The following WNT3A variants were observed in gnomAD, a reference collection of about 807,000 sequenced individuals.
WNT3A encodes the protein protein Wnt-3a.
WNT3A carries 17 observed loss-of-function variants against 37.0 expected under a neutral mutation model. The ratio of observed to expected loss-of-function variants is 0.46; its 90% CI spans 0.31 to 0.69. The LOEUF is 0.69. WNT3A is among the 30% of genes least tolerant of loss of function. The probability of loss-of-function intolerance (pLI) is 0.05; values close to 1 mark genes in which losing one functional copy is unlikely to be tolerated. For missense variants in WNT3A, 411 were observed against 510.2 expected, an observed-to-expected ratio of 0.81 and a Z score of 1.87; for synonymous variants, 187 against 211.0, an observed-to-expected ratio of 0.89 and a Z score of 0.99.
intron 2 of WNT3A, among the ~76,000 whole-genome samples, chr1:228,024,444 T>G (rs575673720): frequency 6.6e-6 from 1 of 152,384 alleles, no homozygotes; most frequent in Admixed American, 6.5e-5. Flanking sequence ...TTTCATGGGC[T>G]TTGGGGCCAT....
chr1:228,047,942 A>G (rs1302883621), intron 2 of WNT3A, among the ~76,000 whole-genome samples: 3 of 152,160 alleles, frequency 2.0e-5, no homozygotes, highest in African/African-American at 4.8e-5. Context: ...AGCCCTGGAG[A>G]TCACAGTTCA....
Position 228,022,918 on chromosome 1 carries a change from T to G in WNT3A, c.313+10T>G, listed in dbSNP as rs1571797468. The G allele has an allele frequency of 3.1e-6, 5 of 1,594,986 alleles. No homozygotes were observed. The highest frequency in any genetic ancestry group is 4.3e-6 in the Non-Finnish European group (5 of 1,167,266). On this transcript the variant is annotated intron_variant, in intron 2 of 3. Coordinates refer to ENST00000284523, the MANE Select transcript of WNT3A (RefSeq NM_033131.4). ...CCCGTGCTGGACAAAGGTATGGGGG[T>G]GGTCTGGGGGAGGGCAGATGAGTCT... is the stretch of plus-strand genomic sequence containing the variant.
intron 3 of WNT3A, 143 bp downstream of exon 3, chr1:228,051,064 G>T: frequency 8.8e-7 from 1 of 1,134,786 alleles, no homozygotes; most frequent in Non-Finnish European, 1.2e-6. Context: ...TGGGGTGTGC[G>T]AAGCTTAGCA....
rs757036531 is a variant in WNT3A at position 228,039,522 on chromosome 1, T to C, written c.314-11134T>C. Among the ~76,000 whole-genome samples the C allele has an allele frequency of 6.6e-6, 1 of 152,278 alleles. No individual in the cohort carries two copies. On this transcript the variant is annotated intron_variant, in intron 2 of 3. Coordinates refer to ENST00000284523, the MANE Select transcript of WNT3A (RefSeq NM_033131.4). This position sits in a 1 kb window ranked among gnomAD's most constrained non-coding sequence, Gnocchi z 4.1. ...GTTCAGGGTCTTGTCCAGGGTCCCA[T>C]AGAGCCCTTACAAAGTCATGGCCAA...
Position 228,059,009 on chromosome 1 carries a change from C to T in WNT3A, c.603C>T (p.Leu201=). 3.1e-6 allele frequency: 5 copies of T among 1,612,582 alleles called. No homozygotes were observed. The highest frequency in any genetic ancestry group is 4.2e-6 in the Non-Finnish European group (5 of 1,179,648). The part of the protein sequence containing the change: ...GRQAIASHMH[L]KCKCHGLSGS... ...AGGCCATCGCCAGCCACATGCACCT[C>T]AAGTGCAAGTGCCACGGGCTGTCGG... The change falls in exon 4 of 4, where the codon CTC becomes CTT. Residue 201 remains leucine, a synonymous_variant. Coordinates refer to ENST00000284523, the MANE Select transcript of WNT3A (RefSeq NM_033131.4).
rs943483562 is a variant in WNT3A at position 228,031,707 on chromosome 1, C to A, written c.313+8799C>A. ...ATGTGCCTGTGCCGTGTGCATGTGG[C>A]TGTGGCATGCATGTGCATGCCTATG... On this transcript the variant is annotated intron_variant, in intron 2 of 3. Coordinates refer to ENST00000284523, the MANE Select transcript of WNT3A (RefSeq NM_033131.4). The surrounding 1 kb of genome is among the most constrained non-coding windows in gnomAD (Gnocchi z 4.8). Among the ~76,000 whole-genome samples the A allele has an allele frequency of 3.9e-5, 6 of 152,214 alleles. No homozygotes were observed. Among genetic ancestry groups the A allele is most frequent in the Admixed American group, 6.5e-5 (1 of 15,296 alleles).
rs2030239029 is a variant in WNT3A at position 228,007,647 on chromosome 1, CAA to C, written c.71+450_71+451del. ...ACAAACACACACACACGTTTTAAAA[CAA>C]AGTCGATGAGACAAGACTGAACAGC... On this transcript the variant is annotated intron_variant, in intron 1 of 3. Coordinates refer to ENST00000284523, the MANE Select transcript of WNT3A (RefSeq NM_033131.4). This position sits in a 1 kb window ranked among gnomAD's most constrained non-coding sequence, Gnocchi z 6.0. Among the ~76,000 whole-genome samples the C allele has an allele frequency of 6.6e-6, 1 of 152,186 alleles. No individual in the cohort carries two copies. Among genetic ancestry groups the C allele is most frequent in the Non-Finnish European group, 1.5e-5 (1 of 68,034 alleles).
intron 2 of WNT3A, among the ~76,000 whole-genome samples, chr1:228,024,914 G>A (rs1172656729): frequency 6.6e-6 from 1 of 152,094 alleles, no homozygotes; most frequent in East Asian, 1.9e-4. Flanking sequence ...CCCATCAAAT[G>A]GTCTTGGCAC....
Position 228,008,217 on chromosome 1 carries a change from G to A in WNT3A, c.71+1018G>A, listed in dbSNP as rs2030260767. 6.6e-6 allele frequency among the ~76,000 whole-genome samples: 1 copy of A among 152,160 alleles called. No individual in the cohort carries two copies. The highest frequency in any genetic ancestry group is 2.1e-4 in the South Asian group (1 of 4,836). Reference sequence around the variant, plus strand: ...GGGAGGAATGTGGGCGCGCAGGGCCGGGCGCAGCGCTGGTAGGACCCACAG... The same window carrying A: ...GGGAGGAATGTGGGCGCGCAGGGCCAGGCGCAGCGCTGGTAGGACCCACAG... On this transcript the variant is annotated intron_variant, in intron 1 of 3. Transcript: ENST00000284523. The surrounding 1 kb of genome is among the most constrained non-coding windows in gnomAD (Gnocchi z 4.9).
chr1:228,023,552 G>A (rs1433089411), intron 2 of WNT3A, among the ~76,000 whole-genome samples: 4 of 151,856 alleles, frequency 2.6e-5, no homozygotes, highest in Non-Finnish European at 5.9e-5. Context: ...GACAGAAATA[G>A]AGAGAGACAA....
intron 1 of WNT3A, among the ~76,000 whole-genome samples, chr1:228,015,955 G>A (rs922755115): frequency 2.2e-4 from 33 of 152,080 alleles, no homozygotes; most frequent in Non-Finnish European, 3.7e-4. Context: ...TGGCTGCTCC[G>A]CCTGAGGCCA....
At chr1:228,012,920 C>G (rs1416268378) in intron 1 of WNT3A, among the ~76,000 whole-genome samples, 1 of 152,172 alleles carries the variant, frequency 6.6e-6, no homozygotes, top group Non-Finnish European at 1.5e-5. Context: ...CTCTGTCACC[C>G]AGGCTGGAGT....
chr1:228,022,134 C>A (rs2030722964), intron 1 of WNT3A, among the ~76,000 whole-genome samples: 2 of 152,208 alleles, frequency 1.3e-5, no homozygotes, highest in South Asian at 4.1e-4. Context: ...ATTCTGCACA[C>A]AACATTGTAT....
chr1:228,057,006 G>GA (rs888772289), intron 3 of WNT3A, among the ~76,000 whole-genome samples: 44 of 151,226 alleles, frequency 2.9e-4, no homozygotes, highest in African/African-American at 4.9e-4. Flanking sequence ...CCTTTTCTGG[G>GA]AAAAAAAAAT....
At chr1:228,032,329 A>G (rs2031031395) in intron 2 of WNT3A, among the ~76,000 whole-genome samples, 1 of 152,216 alleles carries the variant, frequency 6.6e-6, no homozygotes, top group Admixed American at 6.5e-5. Context: ...ATGGAAAGGC[A>G]CAGATCTGCA....
Position 228,007,229 on chromosome 1 carries a change from C to A in WNT3A, c.71+30C>A, listed in dbSNP as rs762650230. ...GTGAGCCTCCTCGCGTTCGCCCCTG[C>A]CCCTGTGCGCCGCGCCCGCAGCAGA... On this transcript the variant is annotated intron_variant, in intron 1 of 3. Coordinates refer to ENST00000284523, the MANE Select transcript of WNT3A (RefSeq NM_033131.4). This position sits in a 1 kb window ranked among gnomAD's most constrained non-coding sequence, Gnocchi z 6.0. The A allele has an allele frequency of 7.6e-6, 12 of 1,584,452 alleles. No individual in the cohort carries two copies. Among genetic ancestry groups the A allele is most frequent in the Non-Finnish European group, 9.4e-6 (11 of 1,165,722 alleles).
rs1034559224 is a variant in WNT3A at position 228,042,242 on chromosome 1, G to C, written c.314-8414G>C. ...TCTGCCCACCTCAGCCTCCCAAAGT[G>C]CTGGGATTACAGCTGTGAGCCACCG... is the stretch of plus-strand genomic sequence containing the variant. On this transcript the variant is annotated intron_variant, in intron 2 of 3. Coordinates refer to ENST00000284523, the MANE Select transcript of WNT3A (RefSeq NM_033131.4). This position sits in a 1 kb window ranked among gnomAD's most constrained non-coding sequence, Gnocchi z 5.2. 1.3e-5 allele frequency among the ~76,000 whole-genome samples: 2 copies of C among 152,164 alleles called. No homozygotes were observed. Among genetic ancestry groups the C allele is most frequent in the African/African-American group, 4.8e-5 (2 of 41,426 alleles).
Position 228,050,226 on chromosome 1 carries a change from G to C in WNT3A, c.314-430G>C, listed in dbSNP as rs1252378123. On this transcript the variant is annotated intron_variant, in intron 2 of 3. Transcript: ENST00000284523. The surrounding 1 kb of genome is among the most constrained non-coding windows in gnomAD (Gnocchi z 5.0). ...AATATTTTTAGTTTTTGTAGAGATG[G>C]GGTCTTGCTATGTTGAAAAGGCTGT... 6.6e-6 allele frequency among the ~76,000 whole-genome samples: 1 copy of C among 152,130 alleles called. No individual in the cohort carries two copies. Among genetic ancestry groups the C allele is most frequent in the Non-Finnish European group, 1.5e-5 (1 of 68,028 alleles).
intron 2 of WNT3A, among the ~76,000 whole-genome samples, chr1:228,036,631 G>A (rs2102771634): frequency 6.6e-6 from 1 of 152,306 alleles, no homozygotes; most frequent in East Asian, 1.9e-4. Flanking sequence ...GGGGTAGAAA[G>A]CATTTGAGGA....
Sources: allele counts gnomAD v4.1 joint callset (sites outside exome capture counted in the v4.1 genomes callset), GRCh38; gene constraint gnomAD v4.1.1; non-coding constraint Gnocchi (gnomAD v3.1); transcripts MANE v1.5; gene names NCBI Gene and HGNC (gene_info 2026-07-23, HGNC 2026-07-21).